CLSTN2: variants seen among roughly 807,000 people sequenced by gnomAD.
CLSTN2 encodes the protein calsyntenin 2, also known as calsyntenin-2.
In CLSTN2, 48 loss-of-function variants were observed where a neutral mutation model predicts 101.2. The ratio of observed to expected loss-of-function variants is 0.47; its 90% CI spans 0.38 to 0.60. CLSTN2 has a LOEUF of 0.60. Among genes scored for constraint, CLSTN2 ranks in the 20% least tolerant of loss-of-function variants. The pLI is 0.00. For missense variants in CLSTN2, 1,160 were observed against 1,238.2 expected, an observed-to-expected ratio of 0.94 and a Z score of 0.95; for synonymous variants, 481 against 463.6, an observed-to-expected ratio of 1.04 and a Z score of -0.48.
At chr3:140,431,847 C>T (rs2088634391) in intron 5 of CLSTN2, among the ~76,000 whole-genome samples, 1 of 152,078 alleles carries the variant, frequency 6.6e-6, no homozygotes, top group Non-Finnish European at 1.5e-5. Context: ...GCTTTGGTTC[C>T]CTAACTGTAA....
At chr3:140,157,297 G>A (rs1042122502) in intron 1 of CLSTN2, among the ~76,000 whole-genome samples, 1 of 152,052 alleles carries the variant, frequency 6.6e-6, no homozygotes, top group Non-Finnish European at 1.5e-5. Flanking sequence ...TTTTGGAAGA[G>A]TTTCAGTAGG....
chr3:140,244,401 A>G (rs1010716848), intron 2 of CLSTN2, among the ~76,000 whole-genome samples: 11 of 152,188 alleles, frequency 7.2e-5, no homozygotes, highest in African/African-American at 2.4e-4. Flanking sequence ...CCGTCAGGAA[A>G]TGCTGTGCCC....
chr3:139,981,249 G>T (rs1024961649), intron 1 of CLSTN2, among the ~76,000 whole-genome samples: 10 of 152,134 alleles, frequency 6.6e-5, no homozygotes, highest in African/African-American at 2.2e-4. Flanking sequence ...TGCCCTCTTT[G>T]TGAAAACGCA....
At chr3:140,287,249 T>C (rs1024438794) in intron 2 of CLSTN2, among the ~76,000 whole-genome samples, 5 of 152,168 alleles carry the variant, frequency 3.3e-5, no homozygotes, top group Non-Finnish European at 5.9e-5. Flanking sequence ...AAAATCATTA[T>C]GCTGAGTGAA....
intron 5 of CLSTN2, among the ~76,000 whole-genome samples, chr3:140,429,890 A>G (rs543429610): frequency 1.3e-5 from 2 of 152,132 alleles, no homozygotes; most frequent in Non-Finnish European, 2.9e-5. Flanking sequence ...GGGGCTGAAG[A>G]GGACCCTGCT....
chr3:140,048,010 ATTAAAG>A (rs2007914640), intron 1 of CLSTN2, among the ~76,000 whole-genome samples: 1 of 152,204 alleles, frequency 6.6e-6, no homozygotes, highest in Non-Finnish European at 1.5e-5. Context: ...ATGCATGGCT[ATTAAAG>A]TTAAAATATG....
chr3:140,166,899 A>G (rs1212482292), intron 1 of CLSTN2, among the ~76,000 whole-genome samples: 1 of 152,242 alleles, frequency 6.6e-6, no homozygotes, highest in African/African-American at 2.4e-5. Flanking sequence ...TATCTTGTCA[A>G]GAACTGATAA....
chr3:140,256,532 G>A (rs2086605645), intron 2 of CLSTN2, among the ~76,000 whole-genome samples: 1 of 152,212 alleles, frequency 6.6e-6, no homozygotes, highest in African/African-American at 2.4e-5. Flanking sequence ...GCCTGGCACA[G>A]AGTAGGGCCT....
At chr3:140,442,874 C>A (rs1015432421) in intron 5 of CLSTN2, among the ~76,000 whole-genome samples, 1 of 152,222 alleles carries the variant, frequency 6.6e-6, no homozygotes, top group African/African-American at 2.4e-5. Flanking sequence ...ACCCCCAATT[C>A]AGATGCACTG....
At chr3:140,283,830 C>A (rs2086871031) in intron 2 of CLSTN2, among the ~76,000 whole-genome samples, 1 of 152,156 alleles carries the variant, frequency 6.6e-6, no homozygotes, top group South Asian at 2.1e-4. Flanking sequence ...TCTTTGATTG[C>A]TTCTCCCCTT....
chr3:140,558,433 A>G (rs1935842790), intron 11 of CLSTN2, among the ~76,000 whole-genome samples: 1 of 152,242 alleles, frequency 6.6e-6, no homozygotes, highest in African/African-American at 2.4e-5. Flanking sequence ...CATTTCTCTC[A>G]GGAGCCAATC....
At chr3:140,311,460 T>G (rs1388315575) in intron 2 of CLSTN2, among the ~76,000 whole-genome samples, 1 of 148,776 alleles carries the variant, frequency 6.7e-6, no homozygotes, top group Non-Finnish European at 1.5e-5. Context: ...TGTGTGCCAC[T>G]ATGCCTGGCT....
rs2009564578 is a variant in CLSTN2, at chr3:140,134,175, C to T, written c.110-41776C>T. ...TTCCATCGTTTACTTGTGGGATCTC[C>T]TCTAAATCTGTTTCCTCATTTATCA... On this transcript the variant is annotated intron_variant, in intron 1 of 16. Transcript: ENST00000458420. Among the ~76,000 whole-genome samples, 7 of 152,296 alleles carry T rather than the reference C, an allele frequency of 4.6e-5. No individual in the cohort carries two copies. In the South Asian group the frequency reaches 1.5e-3, roughly 32 times the overall value.
intron 1 of CLSTN2, among the ~76,000 whole-genome samples, chr3:140,047,548 A>G (rs543346144): frequency 2.1e-4 from 32 of 152,350 alleles, no homozygotes; most frequent in African/African-American, 7.2e-4. Flanking sequence ...TGCTTGTAAT[A>G]GAATTCCTGA....
chr3:140,361,634 G>A (rs758925960), intron 2 of CLSTN2, among the ~76,000 whole-genome samples: 1 of 152,106 alleles, frequency 6.6e-6, no homozygotes, highest in Non-Finnish European at 1.5e-5. Context: ...CAGCAAGATT[G>A]CAGTTACAAG....
At position 140,490,595 on chromosome 3, in the gene CLSTN2, A is replaced by AG. The variant is rs1325097179; in HGVS notation, c.1344+23865dup. Among the ~76,000 whole-genome samples, 8 of 136,410 alleles carry AG rather than the reference A, an allele frequency of 5.9e-5. No homozygotes were observed. In the East Asian group the frequency reaches 6.4e-4, roughly 11 times the overall value. The allele number at this position is 136,410 out of a possible 152,430, so 89.5% of individuals were successfully genotyped here. A position where few individuals can be genotyped will look rare whatever the true frequency, so the allele number is the denominator to read the frequency against. ...GGGTGACAGAGCGAGACCTTGTCTC[A>AG]GAAAAAAAAAAAAAAAAAAAACATG... On this transcript the variant is annotated intron_variant, in intron 8 of 16. Coordinates refer to ENST00000458420, the MANE Select transcript of CLSTN2 (RefSeq NM_022131.3).
intron 2 of CLSTN2, among the ~76,000 whole-genome samples, chr3:140,344,347 A>T (rs2087520708): frequency 6.6e-6 from 1 of 152,190 alleles, no homozygotes; most frequent in African/African-American, 2.4e-5. Context: ...GCACACATTA[A>T]GCCTGTGCTC....
chr3:140,364,762 G>A (rs766024146), intron 2 of CLSTN2, among the ~76,000 whole-genome samples: 21 of 152,158 alleles, frequency 1.4e-4, no homozygotes, highest in Non-Finnish European at 2.2e-4. Context: ...TGAGGAAAAT[G>A]TGTATTACAG....
At chr3:140,547,733 C>T (rs906971536) in intron 10 of CLSTN2, among the ~76,000 whole-genome samples, 11 of 152,272 alleles carry the variant, frequency 7.2e-5, no homozygotes, top group Non-Finnish European at 1.3e-4. Context: ...AGAGCGAGCA[C>T]TTGTTGGCAC....
Sources: gnomAD v4.1 joint callset for allele counts (sites outside exome capture counted in the v4.1 genomes callset) on GRCh38, gnomAD v4.1.1 for gene constraint, MANE v1.5 for transcripts, NCBI Gene and HGNC (gene_info 2026-07-23, HGNC 2026-07-21) for gene names.